Variants in STX8 observed in about 807,000 individuals in gnomAD.
STX8 encodes the protein syntaxin 8.
A neutral mutation model predicts 37.5 loss-of-function variants in STX8; 23 were observed. The observed-to-expected ratio is 0.61, with a 90% CI of 0.44 to 0.87. The LOEUF is 0.87. STX8 is among the 40% of genes least tolerant of loss of function. The probability of loss-of-function intolerance (pLI) is 0.00; values close to 1 mark genes in which losing one functional copy is unlikely to be tolerated. For missense variants in STX8, 313 were observed against 284.7 expected (o/e 1.10, Z -0.71); for synonymous variants, 115 against 99.1 (o/e 1.16, Z -0.95).
chr17:9,511,668 T>C (rs376904899), intron 4 of STX8, among the ~76,000 whole-genome samples: 1 of 152,150 alleles, frequency 6.6e-6, no homozygotes, highest in South Asian at 2.1e-4. Flanking sequence ...GCTTTGCCTC[T>C]GAGAACTAGA....
chr17:9,334,660 G>A (rs184496662), intron 7 of STX8, among the ~76,000 whole-genome samples: 1 of 152,158 alleles, frequency 6.6e-6, no homozygotes, highest in Non-Finnish European at 1.5e-5. Context: ...TAGTTTTGTT[G>A]CTGCTATAAC....
chr17:9,349,329 T>C (rs1910628726), intron 7 of STX8, among the ~76,000 whole-genome samples: 1 of 147,240 alleles, frequency 6.8e-6, no homozygotes. Context: ...TTTTTTTTTT[T>C]TTTTTTTTGA....
intron 7 of STX8, among the ~76,000 whole-genome samples, chr17:9,317,771 GAA>G (rs201309652): frequency 1.1e-4 from 10 of 91,966 alleles, no homozygotes; most frequent in African/African-American, 2.5e-4. Context: ...CTCAGAAAAA[GAA>G]AAAAAAAAAA....
At chr17:9,319,453 T>A (rs1909498262) in intron 7 of STX8, among the ~76,000 whole-genome samples, 1 of 151,400 alleles carries the variant, frequency 6.6e-6, no homozygotes, top group Non-Finnish European at 1.5e-5. Flanking sequence ...AAACAAACAC[T>A]AAAGAAAAGA....
chr17:9,424,044 T>C (rs529675761), intron 6 of STX8, among the ~76,000 whole-genome samples: 1 of 152,248 alleles, frequency 6.6e-6, no homozygotes, highest in South Asian at 2.1e-4. Flanking sequence ...CCTACACATT[T>C]TCCAGATGTG....
chr17:9,401,624 C>CA (rs1292478284), intron 6 of STX8, among the ~76,000 whole-genome samples: 1 of 152,174 alleles, frequency 6.6e-6, no homozygotes, highest in Non-Finnish European at 1.5e-5. Context: ...TCTCAAATTT[C>CA]AGGTCTAACT....
At chr17:9,431,427 TTTG>T (rs147664582) in intron 6 of STX8, among the ~76,000 whole-genome samples, 26,555 of 148,482 alleles carry the variant, frequency 0.18, 2,850 homozygotes, top group Middle Eastern at 0.28. Context: ...TAGCAGGGTT[TTTG>T]TTGTTGTTGT....
At chr17:9,386,499 G>C (rs993361378) in intron 6 of STX8, among the ~76,000 whole-genome samples, 1 of 152,084 alleles carries the variant, frequency 6.6e-6, no homozygotes, top group African/African-American at 2.4e-5. Context: ...ACGCAAATGG[G>C]TACAGCTGTC....
In STX8 at chr17:9,421,221, C is replaced by T. The variant is rs577806314; in HGVS notation, c.542-42568G>A. Among the ~76,000 whole-genome samples the T allele has an allele frequency of 3.0e-3, 451 of 151,766 alleles. 2 individuals carry two copies. The highest frequency in any genetic ancestry group is 0.01 in the African/African-American group (427 of 41,388). Reference sequence around the variant, plus strand: ...CAGCCTGACCAACATGGAGAAACTCCGTCTCTACTAAATATACGAAATTAG... The same window carrying T: ...CAGCCTGACCAACATGGAGAAACTCTGTCTCTACTAAATATACGAAATTAG... On this transcript the variant is annotated intron_variant, in intron 6 of 7. Transcript: ENST00000306357.
At chr17:9,509,126 G>A (rs944704790) in intron 4 of STX8, among the ~76,000 whole-genome samples, 1 of 152,140 alleles carries the variant, frequency 6.6e-6, no homozygotes, top group South Asian at 2.1e-4. Flanking sequence ...GCAGGTGCCT[G>A]TAATCCCAGC....
intron 6 of STX8, among the ~76,000 whole-genome samples, chr17:9,382,213 G>A (rs2142289829): frequency 6.6e-6 from 1 of 151,312 alleles, no homozygotes; most frequent in South Asian, 2.1e-4. Context: ...CCTGCCAAGA[G>A]GTATAGTTTT....
intron 7 of STX8, among the ~76,000 whole-genome samples, chr17:9,307,228 C>A (rs1227180720): frequency 6.6e-6 from 1 of 152,210 alleles, no homozygotes; most frequent in South Asian, 2.1e-4. Flanking sequence ...GTACTTACAA[C>A]TATTTTTTGC....
At position 9,250,518 on chromosome 17, in the gene STX8, G is replaced by T; in HGVS notation, c.*60C>A. 6.9e-7 allele frequency: 1 copy of T among 1,451,598 alleles called. No homozygotes were observed. The highest frequency in any genetic ancestry group is 9.5e-7 in the Non-Finnish European group (1 of 1,053,666). The allele number at this position is 1,451,598 out of a possible 1,614,324, so 89.9% of individuals were successfully genotyped here. A position where few individuals can be genotyped will look rare whatever the true frequency, so the allele number is the denominator to read the frequency against. On this transcript the variant is annotated 3_prime_UTR_variant, in exon 8 of 8. Transcript: ENST00000306357. ...TGAGAGCAGGTTTTGCGTACCAAAA[G>T]GGTGTTGGGCTTGCATCTGTCATTG...
chr17:9,513,490 C>G (rs1315044787), intron 4 of STX8, among the ~76,000 whole-genome samples: 1 of 152,128 alleles, frequency 6.6e-6, no homozygotes, highest in Non-Finnish European at 1.5e-5. Context: ...CATCTCATTC[C>G]ACTTAGAATG....
chr17:9,319,604 G>T (rs1308344278), intron 7 of STX8, among the ~76,000 whole-genome samples: 1 of 152,134 alleles, frequency 6.6e-6, no homozygotes, highest in African/African-American at 2.4e-5. Context: ...GAGGGTTTGA[G>T]GATCTTGGTC....
rs1361767550 is a variant in STX8 at position 9,512,663 on chromosome 17, A to C, written c.324-7501T>G. ...GAGACGGGGTTTCACCATGTTGCCC[A>C]GGCTGGCCTCAAACTCCAATCTGCC... On this transcript the variant is annotated intron_variant, in intron 4 of 7. Coordinates refer to ENST00000306357, the MANE Select transcript of STX8 (RefSeq NM_004853.3). Among the ~76,000 whole-genome samples, 3 of 152,246 alleles carry C rather than the reference A, an allele frequency of 2.0e-5. No individual in the cohort carries two copies. The East Asian group carries it at 5.8e-4, about 29-fold the overall frequency.
chr17:9,417,795 T>C (rs1913253054), intron 6 of STX8, among the ~76,000 whole-genome samples: 1 of 152,144 alleles, frequency 6.6e-6, no homozygotes, highest in Non-Finnish European at 1.5e-5. Flanking sequence ...TAATGGAACC[T>C]CCACGAACAC....
chr17:9,256,721 C>A (rs1906811121), intron 7 of STX8, among the ~76,000 whole-genome samples: 1 of 152,194 alleles, frequency 6.6e-6, no homozygotes, highest in East Asian at 1.9e-4. Context: ...GAAGAGCTGG[C>A]AACTCTTCTG....
intron 4 of STX8, among the ~76,000 whole-genome samples, chr17:9,541,670 A>G (rs1251978332): frequency 1.3e-5 from 2 of 152,148 alleles, no homozygotes; most frequent in Admixed American, 1.3e-4. Context: ...TTTATGGTGC[A>G]ATGGTTACAA....
Sources: gnomAD v4.1 joint callset for allele counts (sites outside exome capture counted in the v4.1 genomes callset) on GRCh38, gnomAD v4.1.1 for gene constraint, MANE v1.5 for transcripts, NCBI Gene and HGNC (gene_info 2026-07-23, HGNC 2026-07-21) for gene names.